The following ANKFN1 variants were observed in gnomAD, a reference collection of about 807,000 sequenced individuals.
ANKFN1 encodes the protein ankyrin repeat and fibronectin type III domain containing 1, also known as ankyrin repeat and fibronectin type-III domain-containing protein 1.
A neutral mutation model predicts 108.7 loss-of-function variants in ANKFN1; 74 were observed. That is an observed-to-expected ratio of 0.68 (90% CI 0.56 to 0.83). The LOEUF is 0.83. Among genes scored for constraint, ANKFN1 ranks in the 40% least tolerant of loss-of-function variants. ANKFN1 has a pLI of 0.00. For synonymous variants in ANKFN1, 547 were observed against 516.2 expected (o/e 1.06, Z -0.81); for missense variants, 1,505 against 1,382.3 (o/e 1.09, Z -1.41).
At chr17:56,308,269 AT>A (rs1384061904) in intron 3 of ANKFN1, among the ~76,000 whole-genome samples, 9 of 152,314 alleles carry the variant, frequency 5.9e-5, no homozygotes, top group Admixed American at 2.6e-4. Context: ...GCATAAAAAA[AT>A]AAACATGGGA....
intron 1 of ANKFN1, among the ~76,000 whole-genome samples, chr17:56,167,277 A>G (rs1318418950): frequency 4.9e-5 from 6 of 121,508 alleles, no homozygotes; most frequent in African/African-American, 1.9e-4. Flanking sequence ...ATATATACAT[A>G]TATATATATA....
intron 3 of ANKFN1, among the ~76,000 whole-genome samples, chr17:56,301,269 C>T (rs1352988636): frequency 6.6e-6 from 1 of 152,240 alleles, no homozygotes; most frequent in East Asian, 1.9e-4. Context: ...CTTCCACCCT[C>T]AGCTGGCATT....
chr17:56,355,415 G>A (rs2046349940), intron 6 of ANKFN1, among the ~76,000 whole-genome samples: 1 of 152,098 alleles, frequency 6.6e-6, no homozygotes, highest in Non-Finnish European at 1.5e-5. Context: ...GAATAAGACT[G>A]ACATACTGGA....
chr17:56,098,939 C>T (rs1347474237), intron 4 of ANKFN1, among the ~76,000 whole-genome samples: 1 of 152,076 alleles, frequency 6.6e-6, no homozygotes, highest in East Asian at 1.9e-4. Flanking sequence ...TTACATCTGC[C>T]AAGCTCAGAT....
rs1049381460 is a variant in ANKFN1, at chr17:56,237,359, T to C, written c.53+9402T>C. ...TGTACCAGCTCTAAACACCCACATC[T>C]TTTACATCTCTTTGTACATCTGGTA... is the stretch of plus-strand genomic sequence containing the variant. On this transcript the variant is annotated intron_variant, in intron 3 of 20. Coordinates refer to ENST00000682825, the MANE Select transcript of ANKFN1 (RefSeq NM_001370326.1). 4.6e-5 allele frequency among the ~76,000 whole-genome samples: 7 copies of C among 152,232 alleles called. No homozygotes were observed. The Middle Eastern group carries it at 0.01, about 222-fold the overall frequency.
At chr17:56,232,046 G>C (rs1216585995) in intron 3 of ANKFN1, among the ~76,000 whole-genome samples, 1 of 152,004 alleles carries the variant, frequency 6.6e-6, no homozygotes, top group African/African-American at 2.4e-5. Flanking sequence ...ATTTGTGCTA[G>C]TTTATCCCTT....
intron 4 of ANKFN1, among the ~76,000 whole-genome samples, chr17:56,347,430 T>C (rs2046134068): frequency 6.6e-6 from 1 of 152,010 alleles, no homozygotes; most frequent in Non-Finnish European, 1.5e-5. Context: ...ATGACATGAA[T>C]TCATAGAATT....
chr17:56,319,745 A>G (rs1477237015), intron 3 of ANKFN1, among the ~76,000 whole-genome samples: 1 of 152,162 alleles, frequency 6.6e-6, no homozygotes, highest in Non-Finnish European at 1.5e-5. Flanking sequence ...TTGATAGGTG[A>G]AATTTATGCT....
At chr17:56,449,956 T>C (rs1182498163) in intron 11 of ANKFN1, among the ~76,000 whole-genome samples, 1 of 152,210 alleles carries the variant, frequency 6.6e-6, no homozygotes, top group Non-Finnish European at 1.5e-5. Context: ...GCTTCTTTTC[T>C]ACTTGGGCTG....
At chr17:56,424,118 C>T (rs1364075166) in intron 8 of ANKFN1, among the ~76,000 whole-genome samples, 1 of 152,136 alleles carries the variant, frequency 6.6e-6, no homozygotes, top group African/African-American at 2.4e-5. Flanking sequence ...TTTCTGGAGT[C>T]CCACAGGGTA....
At chr17:56,178,017 A>G (rs1214970017) in intron 1 of ANKFN1, among the ~76,000 whole-genome samples, 2 of 152,236 alleles carry the variant, frequency 1.3e-5, no homozygotes, top group African/African-American at 4.8e-5. Flanking sequence ...TTTCTTGTGT[A>G]TTAATGTAAC....
intron 1 of ANKFN1, among the ~76,000 whole-genome samples, chr17:56,200,754 T>C (rs1251056188): frequency 6.6e-6 from 1 of 152,214 alleles, no homozygotes; most frequent in Non-Finnish European, 1.5e-5. Flanking sequence ...CATATAGATA[T>C]ATAGAGAGTA....
chr17:56,125,440 G>T (rs528881461), intron 4 of ANKFN1, among the ~76,000 whole-genome samples: 11 of 152,196 alleles, frequency 7.2e-5, no homozygotes, highest in East Asian at 1.9e-4. Context: ...CTCCCTGAAG[G>T]TCTCATAGAA....
intron 3 of ANKFN1, among the ~76,000 whole-genome samples, chr17:56,256,074 T>C (rs2144089680): frequency 6.6e-6 from 1 of 152,296 alleles, no homozygotes; most frequent in South Asian, 2.1e-4. Context: ...GAATGTATCA[T>C]GAGCTGAACC....
At position 56,510,860 on chromosome 17, in the gene ANKFN1, T is replaced by A. The variant is rs1158872684; in HGVS notation, c.3032T>A (p.Phe1011Tyr). The A allele has an allele frequency of 1.7e-5, 26 of 1,535,952 alleles. No individual in the cohort carries two copies. Among genetic ancestry groups the A allele is most frequent in the Non-Finnish European group, 2.3e-5 (26 of 1,146,890 alleles). The change falls in exon 21 of 21, where the codon TTC (phenylalanine) becomes TAC (tyrosine). Residue 1011 changes from phenylalanine (F) to tyrosine (Y), a missense_variant. Coordinates refer to ENST00000682825, the MANE Select transcript of ANKFN1 (RefSeq NM_001370326.1). ...KPGKHPHYGG[F>Y]SRHHRWLRIH... is the part of the protein sequence containing the mutation. ...GGCAAGCACCCCCACTATGGCGGCT[T>A]CAGCCGCCATCATCGCTGGTTGCGC...
intron 15 of ANKFN1, among the ~76,000 whole-genome samples, chr17:56,470,287 C>A (rs2145313750): frequency 1.3e-5 from 2 of 152,242 alleles, no homozygotes; most frequent in Middle Eastern, 3.4e-3. Flanking sequence ...GATTTATATT[C>A]TTTTGGGTAT....
At chr17:56,146,115 C>A (rs998715157) in intron 4 of ANKFN1, among the ~76,000 whole-genome samples, 1 of 152,184 alleles carries the variant, frequency 6.6e-6, no homozygotes, top group African/African-American at 2.4e-5. Context: ...GTCATTAAAC[C>A]TTAAAGTTCC....
intron 3 of ANKFN1, among the ~76,000 whole-genome samples, chr17:56,271,546 A>T (rs2043794426): frequency 6.6e-6 from 1 of 152,220 alleles, no homozygotes; most frequent in African/African-American, 2.4e-5. Flanking sequence ...AGAAGCAAGC[A>T]GACCTAGAAG....
chr17:56,052,155 C>T (rs1388367674), intron 4 of ANKFN1, among the ~76,000 whole-genome samples: 1 of 152,106 alleles, frequency 6.6e-6, no homozygotes, highest in Non-Finnish European at 1.5e-5. Context: ...AATCACACTA[C>T]CTGACTTCAA....
Sources: allele counts gnomAD v4.1 joint callset (sites outside exome capture counted in the v4.1 genomes callset), GRCh38; gene constraint gnomAD v4.1.1; transcripts MANE v1.5; gene names NCBI Gene and HGNC (gene_info 2026-07-23, HGNC 2026-07-21).